VAV2: variants seen among roughly 807,000 people sequenced by gnomAD.
VAV2 encodes the protein guanine nucleotide exchange factor VAV2.
Under a neutral mutation model 132.5 loss-of-function variants are expected in VAV2, and 67 were observed. That is an observed-to-expected ratio of 0.51 (90% CI 0.42 to 0.62). The LOEUF is 0.62. Ranked by LOEUF, VAV2 falls within the 20% of genes least tolerant of loss-of-function variation. The pLI is 0.00. For synonymous variants in VAV2, 492 were observed against 443.5 expected, an observed-to-expected ratio of 1.11 and a Z score of -1.37; for missense variants, 938 against 1,153.6, an observed-to-expected ratio of 0.81 and a Z score of 2.71.
At chr9:133,850,653 G>C (rs1175620857) in intron 3 of VAV2, among the ~76,000 whole-genome samples, 2 of 152,186 alleles carry the variant, frequency 1.3e-5, no homozygotes, top group Non-Finnish European at 2.9e-5. Flanking sequence ...TCTAGGAGCT[G>C]AACACAGCCT....
chr9:133,906,442 C>T (rs2519990), intron 2 of VAV2, among the ~76,000 whole-genome samples: 146,875 of 152,254 alleles, frequency 0.96, 70,986 homozygotes, highest in Non-Finnish European at 1. Context: ...CCTGCCCACT[C>T]GCCCCACTGA....
intron 2 of VAV2, among the ~76,000 whole-genome samples, chr9:133,886,806 G>A (rs1838729197): frequency 1.3e-5 from 2 of 152,264 alleles, no homozygotes; most frequent in African/African-American, 4.8e-5. Flanking sequence ...AATTCTGCAA[G>A]CACAAAAGCC....
At chr9:133,900,848 G>T (rs915546962) in intron 2 of VAV2, among the ~76,000 whole-genome samples, 2 of 151,416 alleles carry the variant, frequency 1.3e-5, no homozygotes, top group Non-Finnish European at 2.9e-5. Context: ...GCCCAGGCTA[G>T]AGTGCAGTGG....
chr9:133,781,183 T>C (rs567598277), intron 19 of VAV2, among the ~76,000 whole-genome samples: 2 of 152,258 alleles, frequency 1.3e-5, no homozygotes, highest in East Asian at 3.9e-4. Context: ...TGAGGAGGCA[T>C]TGGTACGCAT....
At position 133,991,292 on chromosome 9, in the gene VAV2, A is replaced by AGAG; in HGVS notation, c.204+780_204+782dup. Among the ~76,000 whole-genome samples the AGAG allele has an allele frequency of 6.6e-6, 1 of 152,098 alleles. No individual in the cohort carries two copies. Among genetic ancestry groups the AGAG allele is most frequent in the South Asian group, 2.1e-4 (1 of 4,826 alleles). ...CAAGTCTTAGCCAAGTTCCCTCTTA[A>AGAG]GAGGCCAAGAAAAGCAGCTTCGTTC... On this transcript the variant is annotated intron_variant, in intron 1 of 29. Transcript: ENST00000371850. The surrounding 1 kb of genome is among the most constrained non-coding windows in gnomAD (Gnocchi z 4.8).
At chr9:133,981,072 C>T (rs1842677433) in intron 1 of VAV2, among the ~76,000 whole-genome samples, 1 of 152,204 alleles carries the variant, frequency 6.6e-6, no homozygotes, top group African/African-American at 2.4e-5. Context: ...CGTGCCCCAT[C>T]TTCGCCCAGT....
chr9:133,921,401 G>T lies in VAV2; in HGVS notation c.321+17702C>A, dbSNP rs141768644. 5.3e-5 allele frequency among the ~76,000 whole-genome samples: 8 copies of T among 152,332 alleles called. No individual in the cohort carries two copies. In the South Asian group the frequency reaches 1.0e-3, roughly 20 times the overall value. On this transcript the variant is annotated intron_variant, in intron 2 of 29. Coordinates refer to ENST00000371850, the MANE Select transcript of VAV2 (RefSeq NM_001134398.2). Reference sequence around the variant, plus strand: ...ATCTGTCATCTCAGCACTTCAGGAGGCAGAGATGGGAGGACTGACTGGGGC... The same window carrying T: ...ATCTGTCATCTCAGCACTTCAGGAGTCAGAGATGGGAGGACTGACTGGGGC...
rs1834714905 is a variant in VAV2 at position 133,796,409 on chromosome 9, C to T, written c.1032+20G>A. ...TCCAGCAGTGATGACCCCGCAGGCA[C>T]CCGGGGCCCAGAGCCTCACCTTCAA... On this transcript the variant is annotated intron_variant, in intron 11 of 29. Coordinates refer to ENST00000371850, the MANE Select transcript of VAV2 (RefSeq NM_001134398.2). 2 of 1,608,384 alleles carry T rather than the reference C, an allele frequency of 1.2e-6. No homozygotes were observed. Among genetic ancestry groups the T allele is most frequent in the East Asian group, 2.2e-5 (1 of 44,840 alleles).
In VAV2 at chr9:133,919,268, C is replaced by A. The variant is rs1840211907; in HGVS notation, c.321+19835G>T. Among the ~76,000 whole-genome samples the A allele has an allele frequency of 6.6e-6, 1 of 152,236 alleles. No individual in the cohort carries two copies. Among genetic ancestry groups the A allele is most frequent in the South Asian group, 2.1e-4 (1 of 4,834 alleles). ...ACTGCCTGCTGTCCTGGAAGCTTCTCTGGGGCTGGCACCTGAGTTTCACAG... is the reference window on the plus strand; with the variant it reads ...ACTGCCTGCTGTCCTGGAAGCTTCTATGGGGCTGGCACCTGAGTTTCACAG... On this transcript the variant is annotated intron_variant, in intron 2 of 29. Coordinates refer to ENST00000371850, the MANE Select transcript of VAV2 (RefSeq NM_001134398.2). This position sits in a 1 kb window ranked among gnomAD's most constrained non-coding sequence, Gnocchi z 5.8.
intron 1 of VAV2, among the ~76,000 whole-genome samples, chr9:133,950,901 C>A (rs1158228769): frequency 6.6e-6 from 1 of 152,136 alleles, no homozygotes; most frequent in Non-Finnish European, 1.5e-5. Context: ...CTATCTCCAG[C>A]GCAATTGGAC....
At chr9:133,964,028 T>TATAC (rs1424038558) in intron 1 of VAV2, among the ~76,000 whole-genome samples, 3 of 72,834 alleles carry the variant, frequency 4.1e-5, no homozygotes, top group Middle Eastern at 6.8e-3. Context: ...CATTCATATA[T>TATAC]ATATATATAT....
At chr9:133,829,172 T>C (rs897574145) in intron 4 of VAV2, among the ~76,000 whole-genome samples, 1 of 152,218 alleles carries the variant, frequency 6.6e-6, no homozygotes, top group South Asian at 2.1e-4. Context: ...ATTATGCAAA[T>C]GCAAGGTACT....
chr9:133,952,718 G>A (rs1457734738), intron 1 of VAV2, among the ~76,000 whole-genome samples: 1 of 152,206 alleles, frequency 6.6e-6, no homozygotes, highest in African/African-American at 2.4e-5. Context: ...GCCGTGTGAC[G>A]ACAGAGGCAC....
At position 133,849,080 on chromosome 9, in the gene VAV2, G is replaced by A. The variant is rs2502733; in HGVS notation, c.380+12294C>T. 9.0e-3 allele frequency among the ~76,000 whole-genome samples: 1,364 copies of A among 152,248 alleles called. 18 individuals are homozygous for A. Among genetic ancestry groups the A allele is most frequent in the African/African-American group, 0.031 (1,284 of 41,546 alleles). On this transcript the variant is annotated intron_variant, in intron 3 of 29. Transcript: ENST00000371850. ...TAATGCTGACAGTTGCTGAAGAGGCGGCCTTGGTTTGTTTTGCTTGTTACA... is the reference window on the plus strand; with the variant it reads ...TAATGCTGACAGTTGCTGAAGAGGCAGCCTTGGTTTGTTTTGCTTGTTACA...
rs550641653 is a variant in VAV2, at chr9:133,787,818, A to G, written c.1407+536T>C. ...ACCTCTGCAGTCCTGGCCCCGCCCC[A>G]GCAGCCACAGGCCCCACCCCTGCAG... On this transcript the variant is annotated intron_variant, in intron 15 of 29. Coordinates refer to ENST00000371850, the MANE Select transcript of VAV2 (RefSeq NM_001134398.2). 2.1e-4 allele frequency among the ~76,000 whole-genome samples: 28 copies of G among 133,236 alleles called. No individual in the cohort carries two copies. The South Asian group carries it at 6.8e-3, about 33-fold the overall frequency. 87.4% of individuals were successfully genotyped at this position (133,236 alleles called of 152,430 possible).
At chr9:133,894,937 G>C (rs1839136912) in intron 2 of VAV2, among the ~76,000 whole-genome samples, 1 of 152,234 alleles carries the variant, frequency 6.6e-6, no homozygotes, top group South Asian at 2.1e-4. Context: ...AGCACAGGCG[G>C]AACACAGAGC....
intron 2 of VAV2, among the ~76,000 whole-genome samples, chr9:133,938,562 C>T (rs1187368088): frequency 6.6e-6 from 1 of 152,060 alleles, no homozygotes; most frequent in South Asian, 2.1e-4. Context: ...GAGACACTTC[C>T]CGGGGTCACC....
In VAV2 at chr9:133,850,150, T is replaced by C. The variant is rs1360160596; in HGVS notation, c.380+11224A>G. Among the ~76,000 whole-genome samples the C allele has an allele frequency of 3.3e-5, 5 of 152,122 alleles. No homozygotes were observed. The South Asian group carries it at 1.0e-3, about 32-fold the overall frequency. ...CCATCAGGCCCACATGGGCCTCCAT[T>C]TGTAGATGAGGGAACAAGCTCAGGG... is the stretch of plus-strand genomic sequence containing the variant. On this transcript the variant is annotated intron_variant, in intron 3 of 29. Coordinates refer to ENST00000371850, the MANE Select transcript of VAV2 (RefSeq NM_001134398.2).
chr9:133,768,427 G>A lies in VAV2; in HGVS notation c.2589+15C>T. On this transcript the variant is annotated intron_variant, in intron 29 of 29. Transcript: ENST00000371850. The surrounding 1 kb of genome is among the most constrained non-coding windows in gnomAD (Gnocchi z 5.3). ...AGCGAGGCCAGCCCCACACCCTCAGGGTGGGGCCACTCACCCGTCCGTTGG... is the reference window on the plus strand; with the variant it reads ...AGCGAGGCCAGCCCCACACCCTCAGAGTGGGGCCACTCACCCGTCCGTTGG... 6.2e-7 allele frequency: 1 copy of A among 1,610,972 alleles called. No homozygotes were observed. The highest frequency in any genetic ancestry group is 8.5e-7 in the Non-Finnish European group (1 of 1,179,534).
Sources: gnomAD v4.1 joint callset for allele counts (sites outside exome capture counted in the v4.1 genomes callset) on GRCh38, gnomAD v4.1.1 for gene constraint, Gnocchi (gnomAD v3.1) non-coding constraint, MANE v1.5 for transcripts, NCBI Gene and HGNC (gene_info 2026-07-23, HGNC 2026-07-21) for gene names.